Variants in GPC6 observed in about 807,000 individuals in gnomAD.
The protein encoded by GPC6 is glypican-6.
GPC6 carries 14 observed loss-of-function variants against 55.2 expected under a neutral mutation model. That is an observed-to-expected ratio of 0.25 (90% CI 0.17 to 0.40). GPC6 has a LOEUF of 0.40. GPC6 is among the 10% of genes least tolerant of loss of function. The pLI, the probability that GPC6 is intolerant of heterozygous loss-of-function variation, is 1.00. For synonymous variants in GPC6, 278 were observed against 259.6 expected (o/e 1.07, Z -0.68); for missense variants, 641 against 708.5 (o/e 0.90, Z 1.08).
rs538521321 is a variant in GPC6 at position 93,275,060 on chromosome 13, G to A, written c.160+47444G>A. Among the ~76,000 whole-genome samples, 3 of 152,186 alleles carry A rather than the reference G, an allele frequency of 2.0e-5. No individual in the cohort carries two copies. In the South Asian group the frequency reaches 6.2e-4, roughly 32 times the overall value. ...CAGCCTACTGAATTTAAGTACCTGG[G>A]CAAAATATTGAGAAATATTACAGGT... is the stretch of plus-strand genomic sequence containing the variant. On this transcript the variant is annotated intron_variant, in intron 1 of 8. Coordinates refer to ENST00000377047, the MANE Select transcript of GPC6 (RefSeq NM_005708.5).
chr13:93,499,438 T>A (rs1273206284), intron 1 of GPC6, among the ~76,000 whole-genome samples: 2 of 152,198 alleles, frequency 1.3e-5, no homozygotes, highest in Non-Finnish European at 2.9e-5. Flanking sequence ...GGGTTTCCAT[T>A]TTTCATATTG....
chr13:94,271,861 G>A (rs1594118125), intron 4 of GPC6, among the ~76,000 whole-genome samples: 1 of 152,020 alleles, frequency 6.6e-6, no homozygotes, highest in Non-Finnish European at 1.5e-5. Context: ...AGATGCAAAG[G>A]CAAAAGAAAT....
intron 2 of GPC6, among the ~76,000 whole-genome samples, chr13:93,711,925 A>C (rs1883082111): frequency 6.6e-6 from 1 of 151,784 alleles, no homozygotes; most frequent in Non-Finnish European, 1.5e-5. Context: ...TTAGAGGATC[A>C]TGGTGAGATC....
chr13:93,422,466 T>C (rs1295746356), intron 1 of GPC6, among the ~76,000 whole-genome samples: 1 of 152,212 alleles, frequency 6.6e-6, no homozygotes, highest in Non-Finnish European at 1.5e-5. Flanking sequence ...TGTTGAAAAT[T>C]TGTAGTTATT....
chr13:93,966,712 A>C (rs925871138), intron 3 of GPC6, among the ~76,000 whole-genome samples: 1 of 134,012 alleles, frequency 7.5e-6, no homozygotes, highest in Non-Finnish European at 1.5e-5. Flanking sequence ...GTACAGTGGC[A>C]TGATCATGGC....
chr13:93,738,690 AC>A (rs1884086489), intron 2 of GPC6, among the ~76,000 whole-genome samples: 1 of 151,916 alleles, frequency 6.6e-6, no homozygotes, highest in South Asian at 2.1e-4. Context: ...GAAGTAAAGC[AC>A]CCCTCGTAGG....
Position 93,711,664 on chromosome 13 carries a change from A to G in GPC6, c.320-118490A>G, listed in dbSNP as rs541920844. 6.9e-4 allele frequency among the ~76,000 whole-genome samples: 104 copies of G among 151,572 alleles called. No homozygotes were observed. In the Middle Eastern group the frequency reaches 0.014, roughly 20 times the overall value. On this transcript the variant is annotated intron_variant, in intron 2 of 8. Coordinates refer to ENST00000377047, the MANE Select transcript of GPC6 (RefSeq NM_005708.5). ...CTCTAATACACCTTTTATTCTAGCC[A>G]CCAGATTAAGTCAAACCAAGAGTCA...
chr13:93,673,692 AC>A (rs1383536251), intron 2 of GPC6, among the ~76,000 whole-genome samples: 1 of 152,164 alleles, frequency 6.6e-6, no homozygotes, highest in African/African-American at 2.4e-5. Flanking sequence ...TTAAAATTCA[AC>A]CACAATGGTT....
intron 4 of GPC6, among the ~76,000 whole-genome samples, chr13:94,135,608 G>T (rs929671563): frequency 6.6e-6 from 1 of 152,226 alleles, no homozygotes; most frequent in Non-Finnish European, 1.5e-5. Flanking sequence ...TGTCATGTAG[G>T]ACATAAATCC....
At chr13:94,185,296 A>G (rs1296670747) in intron 4 of GPC6, among the ~76,000 whole-genome samples, 1 of 151,900 alleles carries the variant, frequency 6.6e-6, no homozygotes, top group Admixed American at 6.6e-5. Flanking sequence ...GCCATCTACA[A>G]AATCAACCAA....
intron 2 of GPC6, among the ~76,000 whole-genome samples, chr13:93,751,901 T>TA (rs898801605): frequency 6.6e-6 from 1 of 152,138 alleles, no homozygotes; most frequent in Non-Finnish European, 1.5e-5. Flanking sequence ...TTCTCTCACT[T>TA]AAATTCCAGC....
chr13:94,296,807 T>C (rs1875358295), intron 5 of GPC6, among the ~76,000 whole-genome samples: 1 of 152,126 alleles, frequency 6.6e-6, no homozygotes, highest in Non-Finnish European at 1.5e-5. Context: ...TGATGTAACA[T>C]TTCCTCCTTA....
rs139072335 is a variant in GPC6, at chr13:93,575,895, G to T, written c.319+30474G>T. ...TCTCCAATCTACAAAGCTGAGAGTT[G>T]CCAGCAATGTTTTTTCTTCTTTTTT... On this transcript the variant is annotated intron_variant, in intron 2 of 8. Coordinates refer to ENST00000377047, the MANE Select transcript of GPC6 (RefSeq NM_005708.5). 4.6e-5 allele frequency among the ~76,000 whole-genome samples: 7 copies of T among 152,124 alleles called. No homozygotes were observed. The East Asian group carries it at 5.8e-4, about 13-fold the overall frequency.
chr13:94,257,661 G>A (rs543759890), intron 4 of GPC6, among the ~76,000 whole-genome samples: 54 of 152,266 alleles, frequency 3.5e-4, no homozygotes, highest in Non-Finnish European at 4.6e-4. Flanking sequence ...CCTTGAACAC[G>A]GTGACTTGAC....
At chr13:94,208,218 G>A (rs748853976) in intron 4 of GPC6, among the ~76,000 whole-genome samples, 3 of 152,118 alleles carry the variant, frequency 2.0e-5, no homozygotes, top group Non-Finnish European at 4.4e-5. Context: ...TCTGCAAAAG[G>A]CTCTAACAAA....
chr13:93,546,675 T>C (rs1874804165), intron 2 of GPC6, among the ~76,000 whole-genome samples: 1 of 152,334 alleles, frequency 6.6e-6, no homozygotes, highest in African/African-American at 2.4e-5. Context: ...GGGGTTACTC[T>C]TGATTATAGG....
intron 1 of GPC6, among the ~76,000 whole-genome samples, chr13:93,501,919 A>T (rs1414563342): frequency 6.6e-6 from 1 of 152,282 alleles, no homozygotes; most frequent in South Asian, 2.1e-4. Flanking sequence ...CATTATATCC[A>T]TGTTTAATAA....
In GPC6 at chr13:93,433,915, A is replaced by G. The variant is rs1175904430; in HGVS notation, c.161-111348A>G. 2.0e-5 allele frequency among the ~76,000 whole-genome samples: 3 copies of G among 152,204 alleles called. No homozygotes were observed. In the East Asian group the frequency reaches 5.8e-4, roughly 29 times the overall value. ...TGCCACTCCGGATCCAAACTGATGC[A>G]GTGAGTTCACGCTATGTATAGATGA... On this transcript the variant is annotated intron_variant, in intron 1 of 8. Transcript: ENST00000377047.
At chr13:94,089,107 T>G (rs920346535) in intron 4 of GPC6, among the ~76,000 whole-genome samples, 5 of 152,142 alleles carry the variant, frequency 3.3e-5, no homozygotes, top group African/African-American at 4.8e-5. Context: ...TTCCTCCAAT[T>G]CAATTGATTT....
Sources: allele counts gnomAD v4.1 joint callset (sites outside exome capture counted in the v4.1 genomes callset), GRCh38; gene constraint gnomAD v4.1.1; transcripts MANE v1.5; gene names NCBI Gene and HGNC (gene_info 2026-07-23, HGNC 2026-07-21).